Variants in OR2I1 observed in about 807,000 individuals in gnomAD.
OR2I1 encodes the protein putative olfactory receptor 2I1.
At chr6:29,557,054 C>A in the OR2I1 span, 5 of 152,138 alleles carry the variant, frequency 3.3e-5, no homozygotes. Context: ...CACAACTGAC[C>A]AGCAAAGTTA....
the OR2I1 span, chr6:29,556,133 T>C: frequency 6.2e-7 from 1 of 1,613,128 alleles, no homozygotes; most frequent in Non-Finnish European, 8.5e-7. Context: ...ATCACTGGGC[T>C]TCACCACTTT....
At chr6:29,556,809 T>G in the OR2I1 span, 1 of 158,986 alleles carries the variant, frequency 6.3e-6, no homozygotes. Context: ...ATACAAAAAT[T>G]AGCCAGTAGT....
At chr6:29,556,890 G>C in the OR2I1 span, 3 of 154,790 alleles carry the variant, frequency 1.9e-5, no homozygotes, top group Non-Finnish European at 2.9e-5. Context: ...CCAGGAGGCA[G>C]AGGTTGCAGT....
the OR2I1 span, chr6:29,550,905 G>A: frequency 6.6e-6 from 1 of 152,166 alleles, no homozygotes; most frequent in African/African-American, 2.4e-5. Flanking sequence ...CTTGTGCCGA[G>A]AGCCACATTC....
the OR2I1 span, chr6:29,555,816 G>A: frequency 9.0e-5 from 118 of 1,318,430 alleles, no homozygotes; most frequent in Admixed American, 4.1e-4. Flanking sequence ...AGATGTGTTC[G>A]TTGAGTAAGA....
the OR2I1 span, chr6:29,554,565 C>T: frequency 1.3e-5 from 2 of 158,840 alleles, no homozygotes; most frequent in Non-Finnish European, 2.7e-5. Context: ...AAAAAGCGAC[C>T]ATGGACTCTA....
chr6:29,555,825 G>A, the OR2I1 span: 1 of 1,380,682 alleles, frequency 7.2e-7, no homozygotes. Context: ...CGTTGAGTAA[G>A]AGATTAAAAG....
chr6:29,556,213 C>T, the OR2I1 span: 2 of 1,613,064 alleles, frequency 1.2e-6, no homozygotes, highest in South Asian at 1.1e-5. Flanking sequence ...GCTTTAAGAT[C>T]TTGGAGCCCA....
the OR2I1 span, among the ~76,000 whole-genome samples, chr6:29,551,997 T>C: frequency 2.6e-5 from 4 of 152,228 alleles, no homozygotes; most frequent in African/African-American, 9.6e-5. Context: ...GCAGTGAATA[T>C]GATGTGAAAA....
At chr6:29,553,938 G>T in the OR2I1 span, 4 of 398,696 alleles carry the variant, frequency 1.0e-5, no homozygotes, top group Non-Finnish European at 1.3e-5. Flanking sequence ...CGGTGGGCAC[G>T]TGTGGGTCCC....
the OR2I1 span, chr6:29,553,806 G>A: frequency 2.5e-6 from 1 of 398,594 alleles, no homozygotes. Context: ...ACACTACCGA[G>A]AACCAGATGT....
the OR2I1 span, among the ~76,000 whole-genome samples, chr6:29,552,287 C>G: frequency 6.6e-6 from 1 of 152,314 alleles, no homozygotes; most frequent in South Asian, 2.1e-4. Context: ...AAAATTGAGA[C>G]AGAGGGAAAT....
At chr6:29,552,715 G>C in the OR2I1 span, 1 of 152,346 alleles carries the variant, frequency 6.6e-6, no homozygotes, top group African/African-American at 2.4e-5. Context: ...TGCCTTATTT[G>C]GTCTATCCCA....
At chr6:29,553,426 G>C in the OR2I1 span, 7 of 398,754 alleles carry the variant, frequency 1.8e-5, no homozygotes, top group Non-Finnish European at 3.1e-5. Flanking sequence ...CTTGGTAGAC[G>C]CGGGCTTCAC....
At chr6:29,553,988 A>G in the OR2I1 span, 13 of 398,646 alleles carry the variant, frequency 3.3e-5, no homozygotes, top group East Asian at 4.6e-4. Flanking sequence ...TCGGCCATCT[A>G]CACCTACCTG....
the OR2I1 span, chr6:29,553,751 G>C: frequency 5.0e-6 from 2 of 398,492 alleles, no homozygotes; most frequent in African/African-American, 4.1e-5. Flanking sequence ...CACTTCATCT[G>C]TGAGCTGCCG....
the OR2I1 span, among the ~76,000 whole-genome samples, chr6:29,551,949 A>G: frequency 6.6e-6 from 1 of 152,374 alleles, no homozygotes; most frequent in South Asian, 2.1e-4. Context: ...TCCCTCTGAA[A>G]AATGAAAAAT....
At chr6:29,554,336 T>G in the OR2I1 span, 1 of 387,374 alleles carries the variant, frequency 2.6e-6, no homozygotes, top group Non-Finnish European at 4.5e-6. Context: ...GTTTAGTTCT[T>G]GAGGGAAAAT....
chr6:29,556,525 C>T, the OR2I1 span: 14 of 573,002 alleles, frequency 2.4e-5, no homozygotes, highest in Non-Finnish European at 4.3e-5. Context: ...CAAGTTACAA[C>T]ACAAATAAGA....
Sources: gnomAD v4.1 joint callset for allele counts (sites outside exome capture counted in the v4.1 genomes callset) on GRCh38, gnomAD v4.1.1 for gene constraint, MANE v1.5 for transcripts, NCBI Gene and HGNC (gene_info 2026-07-23, HGNC 2026-07-21) for gene names.